Variants in CTXND1 observed in about 807,000 individuals in gnomAD.
CTXND1 encodes the protein cortexin domain-containing 1 protein.
chr15:80,213,205 T>A (rs1318182629), intron 1 of CTXND1, among the ~76,000 whole-genome samples: 2 of 152,232 alleles, frequency 1.3e-5, no homozygotes, highest in Non-Finnish European at 2.9e-5. Flanking sequence ...ATTTAGATGA[T>A]CTAGATTATG....
intron 1 of CTXND1, among the ~76,000 whole-genome samples, chr15:80,229,952 A>G (rs1231018842): frequency 6.6e-6 from 1 of 152,202 alleles, no homozygotes; most frequent in Admixed American, 6.5e-5. Flanking sequence ...TGTTGAAGTA[A>G]GGTAAGAAGA....
Position 80,201,042 on chromosome 15 carries a change from G to T in CTXND1, c.*728C>A, listed in dbSNP as rs2041446260. The T allele has an allele frequency of 6.6e-6, 1 of 152,110 alleles. No homozygotes were observed. Among genetic ancestry groups the T allele is most frequent in the Admixed American group, 6.5e-5 (1 of 15,270 alleles). 9.4% of individuals were successfully genotyped at this position (152,110 alleles called of 1,614,324 possible). On this transcript the variant is annotated 3_prime_UTR_variant, in exon 3 of 3. Transcript: ENST00000560778. Reference sequence around the variant, plus strand: ...TTTGACTAAAAAATACAAGTAAAAAGGCTGGAAGAAAATATATCAAAATGG... The same window carrying T: ...TTTGACTAAAAAATACAAGTAAAAATGCTGGAAGAAAATATATCAAAATGG...
rs182859859 is a variant in CTXND1 at position 80,221,144 on chromosome 15, C to T, written c.-217-17404G>A. ...CAGGATGGTTTCGATTTGCTGACCT[C>T]GTGATCCGCCCGCCTCGGCCTCCCA... On this transcript the variant is annotated intron_variant, in intron 1 of 2. Transcript: ENST00000560778. 8.6e-3 allele frequency among the ~76,000 whole-genome samples: 1,301 copies of T among 152,092 alleles called. 17 individuals are homozygous for T. The highest frequency in any genetic ancestry group is 0.03 in the African/African-American group (1,239 of 41,528).
chr15:80,231,724 A>G (rs2142135106), intron 1 of CTXND1, among the ~76,000 whole-genome samples: 1 of 152,264 alleles, frequency 6.6e-6, no homozygotes, highest in South Asian at 2.1e-4. Flanking sequence ...GTTGCCCAGG[A>G]TGAACTAGGC....
At chr15:80,231,043 G>T (rs1893422618) in intron 1 of CTXND1, among the ~76,000 whole-genome samples, 1 of 151,728 alleles carries the variant, frequency 6.6e-6, no homozygotes, top group Non-Finnish European at 1.5e-5. Flanking sequence ...GGGCCACAGA[G>T]CAAGATTCCA....
intron 1 of CTXND1, among the ~76,000 whole-genome samples, chr15:80,207,406 C>T (rs1893158742): frequency 6.6e-6 from 1 of 152,058 alleles, no homozygotes; most frequent in African/African-American, 2.4e-5. Flanking sequence ...TTCACATTTC[C>T]CTTCAGCCAT....
chr15:80,215,608 G>A (rs925936650), intron 1 of CTXND1, among the ~76,000 whole-genome samples: 1 of 152,146 alleles, frequency 6.6e-6, no homozygotes, highest in African/African-American at 2.4e-5. Flanking sequence ...TTTGTCAAGA[G>A]TTCCAATGTC....
chr15:80,234,394 G>A (rs1893468444), intron 1 of CTXND1, among the ~76,000 whole-genome samples: 1 of 152,062 alleles, frequency 6.6e-6, no homozygotes, highest in Admixed American at 6.5e-5. Context: ...GAGAGGTTGG[G>A]TCAGGGATAG....
At chr15:80,233,006 G>A (rs545272065) in intron 1 of CTXND1, among the ~76,000 whole-genome samples, 4 of 147,942 alleles carry the variant, frequency 2.7e-5, no homozygotes, top group East Asian at 2.0e-4. Context: ...GCAGTGGCGC[G>A]ATCTTGGCCC....
intron 1 of CTXND1, among the ~76,000 whole-genome samples, chr15:80,233,741 CTT>C (rs1893459688): frequency 6.6e-6 from 1 of 152,250 alleles, no homozygotes; most frequent in Admixed American, 6.5e-5. Flanking sequence ...AAGCGACTGA[CTT>C]TGCTGTCTCG....
Position 80,227,444 on chromosome 15 carries a change from CT to C in CTXND1, c.-217-23705del, listed in dbSNP as rs1893384395. Among the ~76,000 whole-genome samples, 8 of 152,226 alleles carry C rather than the reference CT, an allele frequency of 5.3e-5. No homozygotes were observed. In the South Asian group the frequency reaches 1.7e-3, roughly 32 times the overall value. ...GCAGGCTGTCAGAATTCTGTCTATT[CT>C]TTCTCCTCCTCAAGTAGACATCCGG... On this transcript the variant is annotated intron_variant, in intron 1 of 2. Transcript: ENST00000560778.
intron 1 of CTXND1, among the ~76,000 whole-genome samples, chr15:80,249,630 G>C (rs1893671579): frequency 6.6e-6 from 1 of 152,208 alleles, no homozygotes; most frequent in African/African-American, 2.4e-5. Flanking sequence ...GCTTGCTTAA[G>C]GTCATCTGAC....
chr15:80,223,847 C>T (rs1893345185), intron 1 of CTXND1, among the ~76,000 whole-genome samples: 1 of 151,306 alleles, frequency 6.6e-6, no homozygotes, highest in Non-Finnish European at 1.5e-5. Context: ...AAAAAAGCAA[C>T]CATATGTGAG....
chr15:80,235,336 T>A (rs1045238214), intron 1 of CTXND1, among the ~76,000 whole-genome samples: 6 of 152,182 alleles, frequency 3.9e-5, no homozygotes, highest in Admixed American at 6.5e-5. Flanking sequence ...TAAGGCCAGC[T>A]ACAGAAGAGA....
chr15:80,227,681 C>T (rs1893387244), intron 1 of CTXND1, among the ~76,000 whole-genome samples: 1 of 152,220 alleles, frequency 6.6e-6, no homozygotes, highest in Non-Finnish European at 1.5e-5. Context: ...GAAAAACTTA[C>T]ATACCTTAAT....
intron 1 of CTXND1, among the ~76,000 whole-genome samples, chr15:80,244,670 C>T (rs1893608620): frequency 6.6e-6 from 1 of 152,138 alleles, no homozygotes; most frequent in Non-Finnish European, 1.5e-5. Context: ...CAGACACTGC[C>T]CTCTGTGGTT....
intron 2 of CTXND1, among the ~76,000 whole-genome samples, chr15:80,202,936 T>C (rs1381437138): frequency 6.6e-6 from 1 of 152,250 alleles, no homozygotes; most frequent in Non-Finnish European, 1.5e-5. Flanking sequence ...GTGCCTACAC[T>C]GACACATCAC....
intron 1 of CTXND1, among the ~76,000 whole-genome samples, chr15:80,218,755 G>C (rs1418616765): frequency 2.0e-5 from 3 of 151,918 alleles, no homozygotes; most frequent in Non-Finnish European, 4.4e-5. Context: ...TTTTAAAAAG[G>C]AAAGATATTA....
chr15:80,230,481 T>C (rs987930041), intron 1 of CTXND1, among the ~76,000 whole-genome samples: 4 of 152,230 alleles, frequency 2.6e-5, no homozygotes, highest in Non-Finnish European at 5.9e-5. Flanking sequence ...ATCAATCTTA[T>C]TACTCTTTTA....
Sources: allele counts gnomAD v4.1 joint callset (sites outside exome capture counted in the v4.1 genomes callset), GRCh38; gene constraint gnomAD v4.1.1; transcripts MANE v1.5; gene names NCBI Gene and HGNC (gene_info 2026-07-23, HGNC 2026-07-21).